The following OPA1 variants were observed in gnomAD, a reference collection of about 807,000 sequenced individuals.
The protein encoded by OPA1 is dynamin-like GTPase OPA1, mitochondrial.
A neutral mutation model predicts 152.9 loss-of-function variants in OPA1; 59 were observed. The observed-to-expected ratio is 0.39, with a 90% CI of 0.31 to 0.48. The LOEUF is 0.48. Ranked by LOEUF, OPA1 falls within the 20% of genes least tolerant of loss-of-function variation. The pLI is 0.96. For synonymous variants in OPA1, 400 were observed against 389.9 expected (o/e 1.03, Z -0.31); for missense variants, 1,008 against 1,216.8 (o/e 0.83, Z 2.55).
chr3:193,615,994 A>G (rs945183216), intron 3 of OPA1, among the ~76,000 whole-genome samples: 5 of 152,178 alleles, frequency 3.3e-5, no homozygotes, highest in South Asian at 2.1e-4. Context: ...TTTTAATTAT[A>G]CTTACTATAT....
chr3:193,598,803 T>C (rs1035782946), intron 1 of OPA1, among the ~76,000 whole-genome samples: 1 of 152,212 alleles, frequency 6.6e-6, no homozygotes, highest in African/African-American at 2.4e-5. Context: ...AAATTCATAA[T>C]TTGCCCTAAC....
At chr3:193,593,616 C>G (rs1004878441) in intron 1 of OPA1, among the ~76,000 whole-genome samples, 5 of 152,126 alleles carry the variant, frequency 3.3e-5, no homozygotes, top group African/African-American at 1.2e-4. Flanking sequence ...GCCCTTTTCT[C>G]TGGCCCTACC....
chr3:193,692,264 G>A (rs759029937), intron 30 of OPA1, 132 bp downstream of exon 30: 3 of 646,346 alleles, frequency 4.6e-6, no homozygotes, highest in Non-Finnish European at 8.5e-6. Flanking sequence ...ATGAATCTCT[G>A]AAACTAGCTT....
At chr3:193,611,112 C>T (rs1444884676) in intron 1 of OPA1, among the ~76,000 whole-genome samples, 4 of 152,122 alleles carry the variant, frequency 2.6e-5, no homozygotes, top group South Asian at 2.1e-4. Context: ...AGAAATCACC[C>T]GTTTTCTGCG....
intron 7 of OPA1, among the ~76,000 whole-genome samples, chr3:193,628,903 C>A (rs1191773504): frequency 1.3e-5 from 2 of 151,896 alleles, no homozygotes; most frequent in East Asian, 3.9e-4. Context: ...ACTTTACCAC[C>A]AGCTGTCTTT....
chr3:193,609,617 A>G (rs1437320359), intron 1 of OPA1, among the ~76,000 whole-genome samples: 2 of 152,198 alleles, frequency 1.3e-5, no homozygotes, highest in Non-Finnish European at 2.9e-5. Context: ...CTCCTGGATA[A>G]TATCCTGCAG....
chr3:193,684,330 C>T (rs1720625098), intron 29 of OPA1, among the ~76,000 whole-genome samples: 1 of 151,996 alleles, frequency 6.6e-6, no homozygotes, highest in Non-Finnish European at 1.5e-5. Flanking sequence ...GTCCTCCATA[C>T]AGTCTCCCAT....
intron 8 of OPA1, among the ~76,000 whole-genome samples, chr3:193,632,353 C>T (rs1427850809): frequency 6.6e-6 from 1 of 152,006 alleles, no homozygotes; most frequent in Non-Finnish European, 1.5e-5. Flanking sequence ...TGGTGGCAGG[C>T]GCCTGTAGTC....
intron 7 of OPA1, among the ~76,000 whole-genome samples, chr3:193,629,550 A>T (rs2108966862): frequency 6.6e-6 from 1 of 152,096 alleles, no homozygotes; most frequent in South Asian, 2.1e-4. Context: ...TACAAAAAAA[A>T]TTAGCTGGGT....
intron 1 of OPA1, among the ~76,000 whole-genome samples, chr3:193,614,289 T>C (rs1461476808): frequency 6.6e-6 from 1 of 152,258 alleles, no homozygotes; most frequent in African/African-American, 2.4e-5. Context: ...TTTTCAACTT[T>C]TACTTACAGT....
At chr3:193,614,185 A>G (rs1394732820) in intron 1 of OPA1, among the ~76,000 whole-genome samples, 1 of 152,152 alleles carries the variant, frequency 6.6e-6, no homozygotes, top group Non-Finnish European at 1.5e-5. Context: ...CTTAATTTCC[A>G]CCCCTGTGCT....
chr3:193,638,112 C>T lies in OPA1; in HGVS notation c.1149+47C>T, dbSNP rs371929674. 8 of 1,271,646 alleles carry T rather than the reference C, an allele frequency of 6.3e-6. No homozygotes were observed. The African/African-American group carries it at 7.3e-5, about 12-fold the overall frequency. The allele number at this position is 1,271,646 out of a possible 1,614,324, so 78.8% of individuals were successfully genotyped here. Reference sequence around the variant, plus strand: ...GTGAGGTTCCTTAGGAGAGTAACTGCTTCAGTGAGACCTGTTCATTGTGTT... The same window carrying T: ...GTGAGGTTCCTTAGGAGAGTAACTGTTTCAGTGAGACCTGTTCATTGTGTT... On this transcript the variant is annotated intron_variant, in intron 11 of 30. Transcript: ENST00000361510.
intron 30 of OPA1, among the ~76,000 whole-genome samples, chr3:193,692,470 A>G (rs777868133): frequency 4.8e-4 from 73 of 152,248 alleles, no homozygotes; most frequent in Admixed American, 2.6e-4. Context: ...TCTTGCCTAT[A>G]GTCTATCAAT....
Position 193,643,965 on chromosome 3 carries a change from T to C in OPA1, c.1478-10T>C. 6.2e-7 allele frequency: 1 copy of C among 1,613,098 alleles called. No individual in the cohort carries two copies. The highest frequency in any genetic ancestry group is 1.7e-4 in the Middle Eastern group (1 of 6,056). ...AAAATTCCACAGTGTCATTTTTTTA[T>C]TTTTTTCAGATGGATCTGTGGATGC... On this transcript the variant is annotated splice_polypyrimidine_tract_variant and intron_variant, in intron 15 of 30. Coordinates refer to ENST00000361510, the MANE Select transcript of OPA1 (RefSeq NM_130837.3).
At chr3:193,645,303 C>T (rs1577248106) in intron 16 of OPA1, among the ~76,000 whole-genome samples, 1 of 152,132 alleles carries the variant, frequency 6.6e-6, no homozygotes, top group Non-Finnish European at 1.5e-5. Flanking sequence ...AAACTAAGGT[C>T]TGTCTGACTT....
intron 11 of OPA1, among the ~76,000 whole-genome samples, chr3:193,640,770 G>A (rs1733666757): frequency 6.6e-6 from 1 of 152,090 alleles, no homozygotes; most frequent in Admixed American, 6.5e-5. Flanking sequence ...GCTGGTGGGG[G>A]GTAGGTGTAG....
intron 22 of OPA1, among the ~76,000 whole-genome samples, chr3:193,655,977 C>T (rs1713715794): frequency 6.6e-6 from 1 of 152,154 alleles, no homozygotes; most frequent in Non-Finnish European, 1.5e-5. Flanking sequence ...ACTTCCTTAT[C>T]TCTGTTCTCA....
intron 1 of OPA1, chr3:193,614,099 C>G: frequency 2.5e-6 from 1 of 402,900 alleles, no homozygotes; most frequent in Non-Finnish European, 4.8e-6. Flanking sequence ...CATTTAAATT[C>G]TGTTCCCTTT....
At chr3:193,609,058 A>G (rs764358317) in intron 1 of OPA1, among the ~76,000 whole-genome samples, 6 of 152,016 alleles carry the variant, frequency 3.9e-5, no homozygotes, top group South Asian at 2.1e-4. Flanking sequence ...TTTGCTTGGT[A>G]GATCTTCCTC....
Sources: allele counts gnomAD v4.1 joint callset (sites outside exome capture counted in the v4.1 genomes callset), GRCh38; gene constraint gnomAD v4.1.1; transcripts MANE v1.5; gene names NCBI Gene and HGNC (gene_info 2026-07-23, HGNC 2026-07-21).